The following PTGER3 variants were observed in gnomAD, a reference collection of about 807,000 sequenced individuals.
PTGER3 encodes prostaglandin E receptor 3, also known as prostaglandin E2 receptor EP3 subtype.
PTGER3 carries 22 observed loss-of-function variants against 34.7 expected under a neutral mutation model. The observed-to-expected ratio is 0.63, with a 90% CI of 0.45 to 0.91. The LOEUF is 0.91. Ranked by LOEUF, PTGER3 falls within the 40% of genes least tolerant of loss-of-function variation. PTGER3 has a pLI of 0.00. For missense variants in PTGER3, 468 were observed against 519.4 expected (o/e 0.90, Z 0.96); for synonymous variants, 241 against 230.1 (o/e 1.05, Z -0.43).
chr1:71,021,451 T>C (rs1445720989), intron 1 of PTGER3, among the ~76,000 whole-genome samples: 2 of 152,130 alleles, frequency 1.3e-5, no homozygotes, highest in Non-Finnish European at 2.9e-5. Flanking sequence ...ATCTATTCTA[T>C]CAAAGGATTC....
chr1:70,901,941 G>A (rs1646848951), intron 4 of PTGER3, among the ~76,000 whole-genome samples: 2 of 152,140 alleles, frequency 1.3e-5, no homozygotes, highest in Non-Finnish European at 2.9e-5. Context: ...GCAGAGATTT[G>A]AGGAGAGAAT....
chr1:70,868,669 T>A (rs931937231), intron 4 of PTGER3, among the ~76,000 whole-genome samples: 8 of 152,122 alleles, frequency 5.3e-5, no homozygotes, highest in African/African-American at 1.9e-4. Flanking sequence ...CATGAAGACT[T>A]CTAGAACAAG....
chr1:70,889,575 C>A (rs893414850), intron 4 of PTGER3, among the ~76,000 whole-genome samples: 1 of 152,102 alleles, frequency 6.6e-6, no homozygotes, highest in Non-Finnish European at 1.5e-5. Context: ...CCATGGCTCA[C>A]ATTCAGAGAA....
chr1:70,918,173 T>A (rs889873266), intron 4 of PTGER3, among the ~76,000 whole-genome samples: 2 of 151,968 alleles, frequency 1.3e-5, no homozygotes, highest in Admixed American at 1.3e-4. Context: ...AATAAATTGT[T>A]CCGGAAAAAC....
chr1:70,935,672 AATATATATAT>A (rs10577850), intron 4 of PTGER3, among the ~76,000 whole-genome samples: 11 of 140,214 alleles, frequency 7.8e-5, no homozygotes, highest in Non-Finnish European at 6.1e-5. Flanking sequence ...TACAAATATA[AATATATATAT>A]ATATATATAT....
intron 4 of PTGER3, among the ~76,000 whole-genome samples, chr1:70,935,933 G>A (rs925678781): frequency 1.3e-5 from 2 of 151,972 alleles, no homozygotes; most frequent in African/African-American, 4.8e-5. Flanking sequence ...AAAATGCATG[G>A]TCTTTTCACA....
intron 1 of PTGER3, among the ~76,000 whole-genome samples, chr1:71,027,107 A>G (rs1405888441): frequency 6.6e-6 from 1 of 152,208 alleles, no homozygotes; most frequent in Non-Finnish European, 1.5e-5. Flanking sequence ...TCCTACAACT[A>G]TCATAGGGAA....
At chr1:71,036,838 C>CA (rs5775047) in intron 1 of PTGER3, among the ~76,000 whole-genome samples, 53,096 of 141,952 alleles carry the variant, frequency 0.37, 10,456 homozygotes, top group South Asian at 0.47. Context: ...GACTTTGTCT[C>CA]AAAAAAAAAA....
At chr1:71,042,077 T>G (rs1660366119) in intron 1 of PTGER3, among the ~76,000 whole-genome samples, 2 of 152,118 alleles carry the variant, frequency 1.3e-5, no homozygotes, top group African/African-American at 2.4e-5. Context: ...TGACTCACAA[T>G]TATATTACAA....
At chr1:70,911,429 GT>G (rs1488945618) in intron 4 of PTGER3, among the ~76,000 whole-genome samples, 2 of 152,062 alleles carry the variant, frequency 1.3e-5, no homozygotes, top group Admixed American at 6.6e-5. Context: ...TTAAAGAAAT[GT>G]TTTCTCCCCA....
intron 2 of PTGER3, among the ~76,000 whole-genome samples, chr1:70,964,855 G>A (rs191591088): frequency 6.6e-6 from 1 of 152,288 alleles, no homozygotes; most frequent in Admixed American, 6.5e-5. Flanking sequence ...GCAAGAATTT[G>A]TTTGTACCAG....
At chr1:71,034,374 T>G (rs925144713) in intron 1 of PTGER3, among the ~76,000 whole-genome samples, 3 of 152,222 alleles carry the variant, frequency 2.0e-5, no homozygotes, top group African/African-American at 4.8e-5. Context: ...TGCTACCTTT[T>G]GTTCACATAA....
intron 1 of PTGER3, among the ~76,000 whole-genome samples, chr1:71,036,756 A>G (rs1020899398): frequency 2.0e-5 from 3 of 151,198 alleles, no homozygotes; most frequent in Non-Finnish European, 2.9e-5. Context: ...GGAGAATGGC[A>G]TGAACCCAGG....
At chr1:70,860,000 G>A (rs1645892638) in intron 4 of PTGER3, among the ~76,000 whole-genome samples, 1 of 151,846 alleles carries the variant, frequency 6.6e-6, no homozygotes, top group Admixed American at 6.6e-5. Flanking sequence ...CCTAGACTAT[G>A]CGTTTTTCAT....
chr1:70,971,675 T>C lies in PTGER3; in HGVS notation c.*55A>G, dbSNP rs536300412. On this transcript the variant is annotated 3_prime_UTR_variant, in exon 4 of 4. Coordinates refer to ENST00000306666, the MANE Select transcript of PTGER3 (RefSeq NM_198719.2). ...ATTATCCTTCTCAGGTGGGAAGAAA[T>C]ATGCAAATTCAGGGAAGCAGGAATT... is the stretch of plus-strand genomic sequence containing the variant. The C allele has an allele frequency of 9.4e-5, 145 of 1,549,502 alleles. No homozygotes were observed. Among genetic ancestry groups the C allele is most frequent in the Non-Finnish European group, 1.2e-4 (142 of 1,150,622 alleles).
At chr1:70,994,345 C>G (rs1270747825) in intron 2 of PTGER3, among the ~76,000 whole-genome samples, 1 of 152,166 alleles carries the variant, frequency 6.6e-6, no homozygotes, top group East Asian at 1.9e-4. Flanking sequence ...GAATAGCAAG[C>G]ATGCCAAAAG....
chr1:70,999,696 A>G (rs1176759166), intron 2 of PTGER3, among the ~76,000 whole-genome samples: 2 of 152,206 alleles, frequency 1.3e-5, no homozygotes, highest in Non-Finnish European at 2.9e-5. Context: ...CATTCTCCCA[A>G]ATTACAAGTC....
chr1:70,964,511 A>C (rs931073742), intron 2 of PTGER3, among the ~76,000 whole-genome samples: 3 of 152,180 alleles, frequency 2.0e-5, no homozygotes, highest in African/African-American at 7.2e-5. Flanking sequence ...GAAAGACAGC[A>C]TGTGCAGGGG....
At chr1:70,910,058 A>AT (rs1311240861) in intron 4 of PTGER3, among the ~76,000 whole-genome samples, 1 of 152,246 alleles carries the variant, frequency 6.6e-6, no homozygotes, top group African/African-American at 2.4e-5. Context: ...GGCACTCAGT[A>AT]ATCATTGCAT....
Sources: gnomAD v4.1 joint callset for allele counts (sites outside exome capture counted in the v4.1 genomes callset) on GRCh38, gnomAD v4.1.1 for gene constraint, MANE v1.5 for transcripts, NCBI Gene and HGNC (gene_info 2026-07-23, HGNC 2026-07-21) for gene names.